The following KCNH3 variants were observed in gnomAD, a reference collection of about 807,000 sequenced individuals.
KCNH3 encodes potassium voltage-gated channel subfamily H member 3.
Under a neutral mutation model 95.6 loss-of-function variants are expected in KCNH3, and 36 were observed. The observed-to-expected ratio is 0.38, with a 90% CI of 0.29 to 0.50. The LOEUF (loss-of-function observed/expected upper bound fraction) is 0.50. Ranked by LOEUF, KCNH3 falls within the 20% of genes least tolerant of loss-of-function variation. KCNH3 has a pLI of 0.95. For synonymous variants in KCNH3, 620 were observed against 646.3 expected, an observed-to-expected ratio of 0.96 and a Z score of 0.62; for missense variants, 1,030 against 1,484.1, an observed-to-expected ratio of 0.69 and a Z score of 5.03.
Position 49,550,307 on chromosome 12 carries a change from T to A in KCNH3, c.1896T>A (p.Gly632=). ...CTGGCTCCATGGAGGTGCTCAAGGG[T>A]GGCACCGTGCTCGCCATCCTAGGTT... ...VCSGSMEVLK[G]GTVLAILGKG... is the part of the protein sequence containing the mutation. The change falls in exon 10 of 15, where the codon GGT becomes GGA. Residue 632 remains glycine (G), a synonymous_variant. Coordinates refer to ENST00000257981, the MANE Select transcript of KCNH3 (RefSeq NM_012284.3). 1 of 1,606,358 alleles carries A rather than the reference T, an allele frequency of 6.2e-7. No individual in the cohort carries two copies.
chr12:49,544,313 G>A lies in KCNH3; in HGVS notation c.1120G>A (p.Val374Ile). ...MAVFALLAHW[V>I]ACVWFYIGQR... is the part of the protein sequence containing the mutation. Reference sequence around the variant, plus strand: ...CGTGTTCGCCCTGCTCGCGCACTGGGTCGCCTGCGTCTGGTTTTACATTGG... The same window carrying A: ...CGTGTTCGCCCTGCTCGCGCACTGGATCGCCTGCGTCTGGTTTTACATTGG... The change falls in exon 7 of 15, where the codon GTC becomes ATC. Residue 374 changes from valine (V) to isoleucine (I), a missense_variant. Val to Ile is a conservative substitution (Grantham distance 29, BLOSUM62 3). Around this residue, in one of 9 missense-constraint regions of KCNH3, gnomAD observed 153 missense variants for 288.5 expected, o/e 0.53. Transcript: ENST00000257981. 1 of 1,613,372 alleles carries A rather than the reference G, an allele frequency of 6.2e-7. No individual in the cohort carries two copies. Among genetic ancestry groups the A allele is most frequent in the Non-Finnish European group, 8.5e-7 (1 of 1,180,014 alleles).
At chr12:49,546,873 G>C (rs944016610) in intron 7 of KCNH3, among the ~76,000 whole-genome samples, 1 of 152,192 alleles carries the variant, frequency 6.6e-6, no homozygotes, top group Non-Finnish European at 1.5e-5. Flanking sequence ...AACAGTGACT[G>C]TGAAGAGTTT....
At chr12:49,542,684 A>G in intron 3 of KCNH3, 22 bp from the exon 4 acceptor site, 1 of 1,555,288 alleles carries the variant, frequency 6.4e-7, no homozygotes, top group Admixed American at 1.9e-5. Context: ...CATCATCTTC[A>G]TGGGCCCCTC....
In KCNH3 at chr12:49,544,331, T is replaced by C; in HGVS notation, c.1138T>C (p.Tyr380His). 1 of 1,613,716 alleles carries C rather than the reference T, an allele frequency of 6.2e-7. No individual in the cohort carries two copies. The highest frequency in any genetic ancestry group is 8.5e-7 in the Non-Finnish European group (1 of 1,180,032). ...GCACTGGGTCGCCTGCGTCTGGTTT[T>C]ACATTGGCCAGCGGGAGATCGAGAG... ...LAHWVACVWF[Y>H]IGQREIESSE... is the part of the protein sequence containing the mutation. Residue 380 changes from tyrosine (Y) to histidine (H), a missense_variant, in exon 7 of 15, where the codon TAC becomes CAC. Transcript: ENST00000257981.
chr12:49,542,011 C>A (rs754724015), intron 3 of KCNH3, among the ~76,000 whole-genome samples: 3 of 152,218 alleles, frequency 2.0e-5, no homozygotes, highest in Non-Finnish European at 4.4e-5. Context: ...TGAAAGCAAA[C>A]AAACCCAATT....
In KCNH3 at chr12:49,539,610, T is replaced by G; in HGVS notation, c.76+118T>G. The G allele has an allele frequency of 6.4e-6, 5 of 782,088 alleles. No individual in the cohort carries two copies. Among genetic ancestry groups the G allele is most frequent in the South Asian group, 1.7e-5 (1 of 59,978 alleles). 48.4% of individuals were successfully genotyped at this position (782,088 alleles called of 1,614,324 possible). A position where few individuals can be genotyped will look rare whatever the true frequency, so the allele number is the denominator to read the frequency against. ...CAGCCTATTCTCACCCTCTCCTCCC[T>G]ACCCGCCCCTCTTGAGGCTGGGGCC... On this transcript the variant is annotated intron_variant, in intron 1 of 14. Transcript: ENST00000257981. This position sits in a 1 kb window ranked among gnomAD's most constrained non-coding sequence, Gnocchi z 6.7.
rs2241418 is a variant in KCNH3, at chr12:49,557,449, T to C, written c.2748T>C (p.Gly916=). ...VQLVLAPHRE[G]PCPRASGEGP... is the part of the protein sequence containing the mutation. Reference sequence around the variant, plus strand: ...TTGTCCTGGCGCCCCACAGGGAGGGTCCGTGCCCTCGGGCATCGGGAGAGG... The same window carrying C: ...TTGTCCTGGCGCCCCACAGGGAGGGCCCGTGCCCTCGGGCATCGGGAGAGG... Residue 916 remains glycine (G), a synonymous_variant, in exon 15 of 15, where the codon GGT becomes GGC. Transcript: ENST00000257981. 199,646 of 1,609,658 alleles carry C rather than the reference T, an allele frequency of 0.12. 17,009 individuals are homozygous for C. The highest frequency in any genetic ancestry group is 0.46 in the African/African-American group (34,212 of 74,920).
intron 2 of KCNH3, 38 bp from the exon 3 acceptor site, chr12:49,541,592 G>A (rs1937872784): frequency 1.2e-6 from 2 of 1,611,056 alleles, no homozygotes; most frequent in African/African-American, 2.7e-5. Context: ...AGGCAGTGCT[G>A]AGAATAGGAG....
chr12:49,558,252 C>A lies in KCNH3; in HGVS notation c.*299C>A, dbSNP rs542205314. ...CCATCCCCTGCATGTGCCCCTGCCT[C>A]TACCTGTCCCCAAATTTTTATATTA... On this transcript the variant is annotated 3_prime_UTR_variant, in exon 15 of 15. Transcript: ENST00000257981. The A allele has an allele frequency of 1.0e-5, 4 of 395,474 alleles. No individual in the cohort carries two copies. The Admixed American group carries it at 1.3e-4, about 13-fold the overall frequency. The allele number at this position is 395,474 out of a possible 1,614,324, so 24.5% of individuals were successfully genotyped here.
Position 49,539,672 on chromosome 12 carries a change from G to A in KCNH3, c.76+180G>A, listed in dbSNP as rs368441905. Among the ~76,000 whole-genome samples the A allele has an allele frequency of 1.3e-4, 20 of 152,290 alleles. No individual in the cohort carries two copies. In the South Asian group the frequency reaches 3.3e-3, roughly 25 times the overall value. On this transcript the variant is annotated intron_variant, in intron 1 of 14. Transcript: ENST00000257981. The surrounding 1 kb of genome is among the most constrained non-coding windows in gnomAD (Gnocchi z 6.7). Reference sequence around the variant, plus strand: ...CTAGGCGCTGTTTCCCCGAAGGTTCGAAGGTTCGGGGTCAACACTGCTTCA... The same window carrying A: ...CTAGGCGCTGTTTCCCCGAAGGTTCAAAGGTTCGGGGTCAACACTGCTTCA...
intron 13 of KCNH3, chr12:49,556,849 G>A (rs1938475104): frequency 9.5e-6 from 6 of 633,778 alleles, no homozygotes; most frequent in South Asian, 9.4e-5. Flanking sequence ...GGGATCCAGG[G>A]GTGAAAATGT....
intron 7 of KCNH3, among the ~76,000 whole-genome samples, chr12:49,545,403 C>CTTT (rs869243854): frequency 2.0e-4 from 23 of 117,468 alleles, no homozygotes; most frequent in East Asian, 4.5e-4. Flanking sequence ...ATGCAGGTGG[C>CTTT]TTTTTTTTTT....
intron 10 of KCNH3, 96 bp downstream of exon 10, chr12:49,550,425 A>ACTGAGAGAG: frequency 1.4e-6 from 2 of 1,440,336 alleles, no homozygotes; most frequent in Non-Finnish European, 1.9e-6. Context: ...CCACAAGGCC[A>ACTGAGAGAG]CTGAGAGAGA....
Position 49,555,801 on chromosome 12 carries a change from C to T in KCNH3, c.2318C>T (p.Thr773Ile). The change falls in exon 12 of 15, where the codon ACA becomes ATA. Residue 773 changes from threonine to isoleucine, a missense_variant. Transcript: ENST00000257981. ...SAAKLLSPRR[T>I]APRPRLGGRG... The stretch of plus-strand genomic sequence containing the variant: ...GCCAAGCTGCTATCCCCACGTCGAA[C>T]AGCACCCCGGCCTCGTCTAGGTGGC... 1.2e-6 allele frequency: 2 copies of T among 1,613,670 alleles called. No homozygotes were observed. The highest frequency in any genetic ancestry group is 1.7e-6 in the Non-Finnish European group (2 of 1,179,938).
chr12:49,554,452 G>T lies in KCNH3; in HGVS notation c.2034G>T (p.Leu678=). The change falls in exon 11 of 15, where the codon CTG becomes CTT. Residue 678 remains leucine, a synonymous_variant. Coordinates refer to ENST00000257981, the MANE Select transcript of KCNH3 (RefSeq NM_012284.3). ...TGCAGTGTCTGCAGCTGGCTGGCCT[G>T]CACGACAGCCTTGCGCTGTACCCCG... ...CVLQCLQLAG[L]HDSLALYPEF... 1 of 1,613,392 alleles carries T rather than the reference G, an allele frequency of 6.2e-7. No individual in the cohort carries two copies. The highest frequency in any genetic ancestry group is 8.5e-7 in the Non-Finnish European group (1 of 1,180,032).
intron 6 of KCNH3, 34 bp from the exon 7 acceptor site, chr12:49,544,141 T>TACCAAACCA: frequency 7.1e-7 from 1 of 1,413,422 alleles, no homozygotes; most frequent in Non-Finnish European, 9.7e-7. Flanking sequence ...CCCGCTGACC[T>TACCAAACCA]CCCTCCCTCC....
At chr12:49,548,827 A>G in intron 7 of KCNH3, 68 bp from the exon 8 acceptor site, 1 of 1,459,210 alleles carries the variant, frequency 6.9e-7, no homozygotes. Context: ...GCGTGTCCCC[A>G]CCCCCAGGGC....
At chr12:49,553,232 C>T (rs146994149) in intron 10 of KCNH3, among the ~76,000 whole-genome samples, 2 of 152,146 alleles carry the variant, frequency 1.3e-5, no homozygotes, top group African/African-American at 2.4e-5. Flanking sequence ...ACCTACTGGG[C>T]TCAAGTGATC....
chr12:49,549,649 T>G lies in KCNH3; in HGVS notation c.1668+9T>G, dbSNP rs1360511479. 1.2e-6 allele frequency: 2 copies of G among 1,604,540 alleles called. No homozygotes were observed. Among genetic ancestry groups the G allele is most frequent in the African/African-American group, 2.7e-5 (2 of 74,808 alleles). Reference sequence around the variant, plus strand: ...GCATCGACACCACCGAGGTGCGGCCTCCGGGGCTGGGCCTGCTAGCCTTTG... The same window carrying G: ...GCATCGACACCACCGAGGTGCGGCCGCCGGGGCTGGGCCTGCTAGCCTTTG... On this transcript the variant is annotated intron_variant, in intron 9 of 14. Coordinates refer to ENST00000257981, the MANE Select transcript of KCNH3 (RefSeq NM_012284.3).
Sources: allele counts gnomAD v4.1 joint callset (sites outside exome capture counted in the v4.1 genomes callset), GRCh38; gene constraint gnomAD v4.1.1; regional missense constraint gnomAD v4.1.1; non-coding constraint Gnocchi (gnomAD v3.1); transcripts MANE v1.5; gene names NCBI Gene and HGNC (gene_info 2026-07-23, HGNC 2026-07-21).